SRGAP2: variants seen among roughly 807,000 people sequenced by gnomAD.
SRGAP2 encodes the protein SLIT-ROBO Rho GTPase-activating protein 2.
In SRGAP2, 15 loss-of-function variants were observed where a neutral mutation model predicts 57.2. That is an observed-to-expected ratio of 0.26 (90% CI 0.18 to 0.40). The LOEUF (loss-of-function observed/expected upper bound fraction) is 0.40, where lower values mean the gene tolerates loss of function less well. SRGAP2 is among the 10% of genes least tolerant of loss of function. The pLI is 1.00. For missense variants in SRGAP2, 520 were observed against 669.6 expected (o/e 0.78, Z 2.47); for synonymous variants, 249 against 248.0 (o/e 1.00, Z -0.04).
intron 21 of SRGAP2, among the ~76,000 whole-genome samples, chr1:206,456,338 TTC>T (rs1553378442): frequency 6.6e-6 from 1 of 152,124 alleles, no homozygotes; most frequent in African/African-American, 2.4e-5. Context: ...ATTGAGAAGT[TTC>T]TGTTTCCCTC....
chr1:206,416,974 C>T (rs951076918), intron 11 of SRGAP2, among the ~76,000 whole-genome samples: 1 of 152,182 alleles, frequency 6.6e-6, no homozygotes, highest in Non-Finnish European at 1.5e-5. Context: ...CTCATTGGCC[C>T]CAGGAATTGG....
chr1:206,450,609 C>T, intron 19 of SRGAP2, 144 bp downstream of exon 19: 1 of 607,562 alleles, frequency 1.6e-6, no homozygotes, highest in Admixed American at 2.8e-5. Flanking sequence ...ATTTCATTCC[C>T]TTCCTTCCTT....
chr1:206,446,798 G>A (rs142502061), intron 18 of SRGAP2, among the ~76,000 whole-genome samples: 2 of 152,266 alleles, frequency 1.3e-5, no homozygotes, highest in East Asian at 3.9e-4. Context: ...AGAAAGAAGG[G>A]TAAGCCTTGT....
At chr1:206,450,213 A>G (rs1663141791) in intron 18 of SRGAP2, among the ~76,000 whole-genome samples, 173 bp from the exon 19 acceptor site, 1 of 152,222 alleles carries the variant, frequency 6.6e-6, no homozygotes, top group Non-Finnish European at 1.5e-5. Flanking sequence ...GCTAGACTGG[A>G]AAAACTCTAG....
Position 206,424,112 on chromosome 1 carries a change from T to A in SRGAP2, c.1494+2838T>A, listed in dbSNP as rs1166438039. 2.0e-5 allele frequency among the ~76,000 whole-genome samples: 3 copies of A among 152,014 alleles called. No homozygotes were observed. The East Asian group carries it at 5.8e-4, about 29-fold the overall frequency. ...CCGGCCCTTTCTGATTGTTTTCTCCTGCAAATTACTGGACCACTGCTTTAC... is the reference window on the plus strand; with the variant it reads ...CCGGCCCTTTCTGATTGTTTTCTCCAGCAAATTACTGGACCACTGCTTTAC... On this transcript the variant is annotated intron_variant, in intron 13 of 22. Transcript: ENST00000573034.
chr1:206,374,019 CTTTT>C (rs56021600), intron 4 of SRGAP2, among the ~76,000 whole-genome samples: 1,913 of 76,972 alleles, frequency 0.025, 44 homozygotes, highest in African/African-American at 0.1. Flanking sequence ...GATACACATT[CTTTT>C]TTTTTTTTTT....
intron 4 of SRGAP2, among the ~76,000 whole-genome samples, chr1:206,369,550 A>C (rs552343248): frequency 5.9e-5 from 9 of 152,384 alleles, no homozygotes; most frequent in Admixed American, 5.9e-4. Context: ...CTTAGAACTC[A>C]GCAACAAAAA....
chr1:206,442,332 CAGCCTGG>C (rs1458325224), intron 17 of SRGAP2, among the ~76,000 whole-genome samples: 1 of 152,258 alleles, frequency 6.6e-6, no homozygotes, highest in African/African-American at 2.4e-5. Context: ...TGTTCATGTG[CAGCCTGG>C]AAACTCTGCT....
intron 2 of SRGAP2, chr1:206,207,622 C>CTT (rs566001238): frequency 3.7e-5 from 5 of 136,208 alleles, no homozygotes; most frequent in African/African-American, 1.5e-4. Context: ...CCAGATATGT[C>CTT]TTTTTTTTTT....
intron 4 of SRGAP2, among the ~76,000 whole-genome samples, chr1:206,373,013 CTTTCTTTCTT>C (rs1654822139): frequency 1.0e-5 from 1 of 96,626 alleles, no homozygotes; most frequent in Non-Finnish European, 2.1e-5. Flanking sequence ...TTCTTTCTTT[CTTTCTTTCTT>C]TCTTTTCTTT....
In SRGAP2 at chr1:206,418,584, A is replaced by G. The variant is rs1016098919; in HGVS notation, c.1442-789A>G. Among the ~76,000 whole-genome samples, 12 of 152,236 alleles carry G rather than the reference A, an allele frequency of 7.9e-5. No individual in the cohort carries two copies. The South Asian group carries it at 8.3e-4, about 11-fold the overall frequency. On this transcript the variant is annotated intron_variant, in intron 11 of 22. Transcript: ENST00000573034. ...GGTCCTAAAGAAAGCAATATATATT[A>G]CATCATTTCCCATGTAGACATGCAT...
At position 206,458,737 on chromosome 1, in the gene SRGAP2, C is replaced by T. The variant is rs1553379381; in HGVS notation, c.2622C>T (p.Arg874=). ...SSSPGVGASC[R]PSSQPIMSQS... ...CCCCAGGGGTGGGGGCTAGCTGCCG[C>T]CCATCCTCCCAGCCCATCATGAGCC... The change falls in exon 22 of 23, where the codon CGC becomes CGT. Residue 874 remains arginine (R), a synonymous_variant. Coordinates refer to ENST00000573034, the MANE Select transcript of SRGAP2 (RefSeq NM_015326.5). 1.3e-6 allele frequency: 1 copy of T among 780,730 alleles called. No homozygotes were observed. The highest frequency in any genetic ancestry group is 2.4e-6 in the Non-Finnish European group (1 of 417,940). The allele number at this position is 780,730 out of a possible 1,614,324, so 48.4% of individuals were successfully genotyped here.
chr1:206,427,857 C>A (rs1287782401), intron 13 of SRGAP2, among the ~76,000 whole-genome samples: 2 of 152,160 alleles, frequency 1.3e-5, no homozygotes, highest in African/African-American at 4.8e-5. Context: ...ACCTGTAATC[C>A]CAGTGCTTTG....
chr1:206,259,436 G>A (rs1288258192), intron 2 of SRGAP2, among the ~76,000 whole-genome samples: 5 of 150,416 alleles, frequency 3.3e-5, no homozygotes, highest in East Asian at 3.9e-4. Context: ...TTCTGGGCTC[G>A]AGTGATCCTC....
chr1:206,453,889 C>A, intron 20 of SRGAP2: 2 of 451,590 alleles, frequency 4.4e-6, no homozygotes, highest in South Asian at 4.6e-5. Flanking sequence ...TTCATTTAAC[C>A]GAGATGAGGT....
chr1:206,204,911 C>CCA (rs1665758624), intron 1 of SRGAP2: 1 of 135,588 alleles, frequency 7.4e-6, no homozygotes, highest in Non-Finnish European at 1.5e-5. Flanking sequence ...AGATTTGCCC[C>CCA]CCCCCCCATC....
intron 20 of SRGAP2, chr1:206,453,899 T>C (rs782663277): frequency 8.2e-6 from 4 of 485,746 alleles, no homozygotes; most frequent in Non-Finnish European, 1.5e-5. Flanking sequence ...CGAGATGAGG[T>C]TGATATAGGG....
intron 12 of SRGAP2, among the ~76,000 whole-genome samples, chr1:206,420,139 G>C (rs1364791395): frequency 3.9e-5 from 6 of 152,172 alleles, no homozygotes; most frequent in Non-Finnish European, 7.3e-5. Context: ...GGACTCCTTA[G>C]AGACCCTGGG....
rs782108315 is a variant in SRGAP2, at chr1:206,377,481, A to ATTTT, written c.424-6517_424-6514dup. On this transcript the variant is annotated intron_variant, in intron 4 of 22. Coordinates refer to ENST00000573034, the MANE Select transcript of SRGAP2 (RefSeq NM_015326.5). ...TAATAGCTGGATTTTTTGAAATCAGATTTTTTTTTTTTTTTTTTTGGCAAG... is the reference window on the plus strand; with the variant it reads ...TAATAGCTGGATTTTTTGAAATCAGATTTTTTTTTTTTTTTTTTTTTTTGGCAAG... 2.8e-3 allele frequency among the ~76,000 whole-genome samples: 273 copies of ATTTT among 98,960 alleles called. 1 individual carries two copies. Among genetic ancestry groups the ATTTT allele is most frequent in the African/African-American group, 0.011 (250 of 23,494 alleles). 64.9% of individuals were successfully genotyped at this position (98,960 alleles called of 152,430 possible).
Sources: gnomAD v4.1 joint callset for allele counts (sites outside exome capture counted in the v4.1 genomes callset) on GRCh38, gnomAD v4.1.1 for gene constraint, MANE v1.5 for transcripts, NCBI Gene and HGNC (gene_info 2026-07-23, HGNC 2026-07-21) for gene names.